Variants in TNNI3K observed in about 807,000 individuals in gnomAD.
TNNI3K encodes serine/threonine-protein kinase TNNI3K.
A neutral mutation model predicts 114.5 loss-of-function variants in TNNI3K; 140 were observed. The observed-to-expected ratio is 1.22, with a 90% CI of 1.07 to 1.41. The LOEUF is 1.41. TNNI3K is among the 40% of genes most tolerant of loss of function. The pLI, the probability that TNNI3K is intolerant of heterozygous loss-of-function variation, is 0.00. For missense variants in TNNI3K, 1,125 were observed against 1,007.6 expected, an observed-to-expected ratio of 1.12 and a Z score of -1.58; for synonymous variants, 347 against 347.5, an observed-to-expected ratio of 1.00 and a Z score of 0.02.
At chr1:74,539,655 C>T (rs1023351168) in intron 23 of TNNI3K, among the ~76,000 whole-genome samples, 2 of 151,970 alleles carry the variant, frequency 1.3e-5, no homozygotes, top group Non-Finnish European at 2.9e-5. Flanking sequence ...GGATTTGAAT[C>T]CTGGATGAGC....
intron 17 of TNNI3K, among the ~76,000 whole-genome samples, chr1:74,428,592 T>A (rs1170701219): frequency 6.6e-6 from 1 of 151,598 alleles, no homozygotes; most frequent in Non-Finnish European, 1.5e-5. Flanking sequence ...ATGGTAGGAG[T>A]CTGAAGTAGT....
At chr1:74,496,823 CA>C (rs964874849) in intron 23 of TNNI3K, among the ~76,000 whole-genome samples, 3 of 152,156 alleles carry the variant, frequency 2.0e-5, no homozygotes, top group African/African-American at 7.2e-5. Context: ...GCTCCTCCCA[CA>C]GGGTATGAAA....
intron 5 of TNNI3K, among the ~76,000 whole-genome samples, chr1:74,272,377 G>A (rs750358544): frequency 1.9e-4 from 29 of 151,914 alleles, no homozygotes; most frequent in Non-Finnish European, 3.5e-4. Flanking sequence ...CAACGAGAGA[G>A]AAGGGGGCAC....
intron 5 of TNNI3K, among the ~76,000 whole-genome samples, chr1:74,314,438 A>G (rs1659186405): frequency 2.0e-5 from 3 of 152,118 alleles, no homozygotes; most frequent in Admixed American, 2.0e-4. Flanking sequence ...TCATTTGCAT[A>G]TTATTGATCT....
intron 16 of TNNI3K, chr1:74,370,039 T>C (rs149335202): frequency 2.5e-5 from 7 of 275,680 alleles, no homozygotes; most frequent in Admixed American, 1.0e-4. Context: ...AAATTAAGTA[T>C]AGTATTATAA....
intron 4 of TNNI3K, among the ~76,000 whole-genome samples, chr1:74,256,283 C>CTTTTTTTTT (rs61636791): frequency 1.9e-3 from 80 of 42,780 alleles, no homozygotes; most frequent in Non-Finnish European, 3.0e-3. Context: ...TGTGGTCAGT[C>CTTTTTTTTT]TTTTTTTTTT....
intron 23 of TNNI3K, among the ~76,000 whole-genome samples, chr1:74,529,660 G>A (rs1303269817): frequency 6.6e-6 from 1 of 152,194 alleles, no homozygotes; most frequent in Non-Finnish European, 1.5e-5. Flanking sequence ...AAAGTATTTG[G>A]GAGATGATGG....
In TNNI3K at chr1:74,476,174, G is replaced by A. The variant is rs185853272; in HGVS notation, c.2121+12624G>A. Among the ~76,000 whole-genome samples the A allele has an allele frequency of 3.9e-5, 6 of 152,220 alleles. No homozygotes were observed. The East Asian group carries it at 9.6e-4, about 24-fold the overall frequency. ...TATGAACTCTCATAATAGAGTGAATGACTTCTAATCTCAGACTGCCTGGTA... is the reference window on the plus strand; with the variant it reads ...TATGAACTCTCATAATAGAGTGAATAACTTCTAATCTCAGACTGCCTGGTA... On this transcript the variant is annotated intron_variant, in intron 21 of 24. Coordinates refer to ENST00000326637, the MANE Select transcript of TNNI3K (RefSeq NM_015978.3).
intron 11 of TNNI3K, among the ~76,000 whole-genome samples, chr1:74,365,824 G>T (rs1662240096): frequency 6.6e-6 from 1 of 151,948 alleles, no homozygotes; most frequent in Non-Finnish European, 1.5e-5. Flanking sequence ...TTATTCCTAT[G>T]ATTTGAGAAA....
At chr1:74,539,611 G>C (rs1646701983) in intron 23 of TNNI3K, among the ~76,000 whole-genome samples, 1 of 152,118 alleles carries the variant, frequency 6.6e-6, no homozygotes, top group African/African-American at 2.4e-5. Context: ...TTTGATAGTA[G>C]ATAAACACAT....
intron 17 of TNNI3K, among the ~76,000 whole-genome samples, chr1:74,394,888 C>CA (rs1193498897): frequency 1.3e-5 from 2 of 151,956 alleles, no homozygotes; most frequent in Non-Finnish European, 2.9e-5. Flanking sequence ...ACTAAAAATA[C>CA]AAACAATTAG....
chr1:74,268,152 A>T (rs1015416172), intron 4 of TNNI3K, among the ~76,000 whole-genome samples: 4 of 151,552 alleles, frequency 2.6e-5, no homozygotes, highest in East Asian at 1.9e-4. Flanking sequence ...CACTTGCCTT[A>T]TTGTGTTTTT....
intron 7 of TNNI3K, among the ~76,000 whole-genome samples, chr1:74,337,308 C>A (rs12123556): frequency 0.17 from 25,378 of 150,888 alleles, 2,127 homozygotes; most frequent in African/African-American, 0.18. Flanking sequence ...GTTGCCTGTT[C>A]ACTCTGATGG....
intron 5 of TNNI3K, among the ~76,000 whole-genome samples, chr1:74,317,509 A>G (rs1570458729): frequency 6.6e-6 from 1 of 152,208 alleles, no homozygotes; most frequent in South Asian, 2.1e-4. Flanking sequence ...AATAGCAGGT[A>G]TAAGAGCTTT....
chr1:74,274,289 G>GT (rs1656535330), intron 5 of TNNI3K, among the ~76,000 whole-genome samples: 1 of 151,980 alleles, frequency 6.6e-6, no homozygotes, highest in Non-Finnish European at 1.5e-5. Flanking sequence ...AATAGGCAAA[G>GT]GAGGAGGAGG....
At chr1:74,304,795 T>C (rs1291615890) in intron 5 of TNNI3K, among the ~76,000 whole-genome samples, 2 of 152,158 alleles carry the variant, frequency 1.3e-5, no homozygotes, top group African/African-American at 4.8e-5. Context: ...TGAGAAATAA[T>C]ACTGTTCATA....
chr1:74,481,068 T>C, intron 21 of TNNI3K: 1 of 602,482 alleles, frequency 1.7e-6, no homozygotes, highest in Non-Finnish European at 3.0e-6. Context: ...AGCAATCTTA[T>C]CACCTGGGTA....
At chr1:74,407,836 T>C (rs984131653) in intron 17 of TNNI3K, among the ~76,000 whole-genome samples, 1 of 152,176 alleles carries the variant, frequency 6.6e-6, no homozygotes, top group South Asian at 2.1e-4. Flanking sequence ...ATACCACTTA[T>C]GATGCCTAGA....
At chr1:74,293,250 C>T (rs997725382) in intron 5 of TNNI3K, among the ~76,000 whole-genome samples, 13 of 151,596 alleles carry the variant, frequency 8.6e-5, no homozygotes, top group African/African-American at 2.7e-4. Flanking sequence ...TCTTGTCTTA[C>T]GTCAAATATT....
Sources: gnomAD v4.1 joint callset for allele counts (sites outside exome capture counted in the v4.1 genomes callset) on GRCh38, gnomAD v4.1.1 for gene constraint, MANE v1.5 for transcripts, NCBI Gene and HGNC (gene_info 2026-07-23, HGNC 2026-07-21) for gene names.